The following ZNF615 variants were observed in gnomAD, a reference collection of about 807,000 sequenced individuals.
ZNF615 encodes zinc finger protein 615.
A neutral mutation model predicts 15.3 loss-of-function variants in ZNF615; 15 were observed. That is an observed-to-expected ratio of 0.98 (90% CI 0.66 to 1.51). The LOEUF (loss-of-function observed/expected upper bound fraction) is 1.51, where lower values mean the gene tolerates loss of function less well. ZNF615 is among the 40% of genes most tolerant of loss of function. ZNF615 has a pLI of 0.00. For missense variants in ZNF615, 848 were observed against 895.9 expected, an observed-to-expected ratio of 0.95 and a Z score of 0.68; for synonymous variants, 268 against 294.6, an observed-to-expected ratio of 0.91 and a Z score of 0.92.
chr19:52,006,709 A>G lies in ZNF615; in HGVS notation c.-190+584T>C, dbSNP rs552869661. Among the ~76,000 whole-genome samples, 8 of 152,354 alleles carry G rather than the reference A, an allele frequency of 5.3e-5. No homozygotes were observed. The South Asian group carries it at 1.4e-3, about 28-fold the overall frequency. On this transcript the variant is annotated intron_variant, in intron 2 of 6. Transcript: ENST00000598071. ...ATGGATGAATACTTAGAAAACCAGT[A>G]GAGCTGATCTAATACAATGTTAATG...
At position 51,993,231 on chromosome 19, in the gene ZNF615, C is replaced by T; in HGVS notation, c.1878G>A (p.Gln626=). The T allele has an allele frequency of 6.2e-7, 1 of 1,614,126 alleles. No individual in the cohort carries two copies. The highest frequency in any genetic ancestry group is 1.1e-5 in the South Asian group (1 of 91,070). Residue 626 remains glutamine, a synonymous_variant, in exon 7 of 7, where the codon CAG becomes CAA. Transcript: ENST00000598071. ...ATGGCTTCTCTCCAGTATGAGTTTG[C>T]TGATGTATACTGAGAGTACTCTTCA... ...FTMKSTLSIH[Q]QTHTGEKPYK...
intron 3 of ZNF615, 28 bp from the exon 4 acceptor site, chr19:52,002,309 A>T: frequency 6.2e-7 from 1 of 1,613,234 alleles, no homozygotes; most frequent in South Asian, 1.1e-5. Context: ...TGTTTAATGA[A>T]GTCATATTCT....
At position 52,001,885 on chromosome 19, in the gene ZNF615, C is replaced by T. The variant is rs190783186; in HGVS notation, c.166G>A (p.Ala56Thr). Residue 56 changes from alanine (A) to threonine (T), a missense_variant, in exon 5 of 7, where the codon GCA becomes ACA. By Grantham distance (58) the Ala-to-Thr change is moderately conservative. Coordinates refer to ENST00000598071, the MANE Select transcript of ZNF615 (RefSeq NM_001199324.2). Reference sequence around the variant, plus strand: ...TCTCCTCGTTCCAATTTGGAGAGTGCATCTGGTTTGCTGGCTTGATACCCT... The same window carrying T: ...TCTCCTCGTTCCAATTTGGAGAGTGTATCTGGTTTGCTGGCTTGATACCCT... ...AVGYQASKPD[A>T]LSKLERGEET... The T allele has an allele frequency of 9.3e-6, 15 of 1,614,156 alleles. No individual in the cohort carries two copies. Among genetic ancestry groups the T allele is most frequent in the African/African-American group, 1.3e-5 (1 of 75,032 alleles).
At position 52,000,353 on chromosome 19, in the gene ZNF615, T is replaced by C. The variant is rs1285204238; in HGVS notation, c.264A>G (p.Ala88=). ...TATATCCATGAGACAAACCTGCATA[T>C]GCACCTCCTGATGCACCTCCTGAAT... is the stretch of plus-strand genomic sequence containing the variant. ...CSDSGGASGG[A]YAEIRKIDDP... The change falls in exon 6 of 7, where the codon GCA becomes GCG. Residue 88 remains alanine, a synonymous_variant. Transcript: ENST00000598071. 1.6e-6 allele frequency: 1 copy of C among 631,828 alleles called. No homozygotes were observed. Among genetic ancestry groups the C allele is most frequent in the Admixed American group, 2.2e-5 (1 of 46,370 alleles). 39.1% of individuals were successfully genotyped at this position (631,828 alleles called of 1,614,324 possible). A position where few individuals can be genotyped will look rare whatever the true frequency, so the allele number is the denominator to read the frequency against.
At chr19:52,002,719 C>G (rs12459268) in intron 3 of ZNF615, among the ~76,000 whole-genome samples, 1 of 151,896 alleles carries the variant, frequency 6.6e-6, no homozygotes, top group Non-Finnish European at 1.5e-5. Context: ...CTATGGTTAA[C>G]ATAGTTAACC....
intron 2 of ZNF615, chr19:52,004,475 C>A (rs2123079639): frequency 6.6e-6 from 1 of 152,128 alleles, no homozygotes; most frequent in East Asian, 1.9e-4. Flanking sequence ...TTCACTGCAA[C>A]CTCCATCTCC....
At chr19:51,994,987 TA>T in intron 6 of ZNF615, 150 bp from the exon 7 acceptor site, 2 of 808,438 alleles carry the variant, frequency 2.5e-6, no homozygotes, top group East Asian at 6.2e-5. Context: ...TAAAGCTTTT[TA>T]ATCACCTGGG....
chr19:51,994,689 C>T lies in ZNF615; in HGVS notation c.420G>A (p.Thr140=), dbSNP rs753758638. 1.5e-5 allele frequency: 24 copies of T among 1,613,400 alleles called. No individual in the cohort carries two copies. The highest frequency in any genetic ancestry group is 8.9e-5 in the East Asian group (4 of 44,870). Residue 140 remains threonine (T), a synonymous_variant, in exon 7 of 7, where the codon ACG becomes ACA. Transcript: ENST00000598071. The part of the protein sequence containing the change: ...GHFLLKQDCD[T]FDLHEKPLKS... ...TTAAAGGTTTTTCATGTAAGTCAAA[C>T]GTATCACAATCTTGCTTCAGCAGGA...
rs759712236 is a variant in ZNF615, at chr19:51,993,040, G to A, written c.2069C>T (p.Pro690Leu). The change falls in exon 7 of 7, where the codon CCG becomes CTG. Residue 690 changes from proline to leucine, a missense_variant. Physicochemically the swap from Pro to Leu is moderately conservative, Grantham distance 98 (BLOSUM62 -3). Coordinates refer to ENST00000598071, the MANE Select transcript of ZNF615 (RefSeq NM_001199324.2). ...THQRIHTGEK[P>L]YKCSDCGKAF... ...TTTCCCGCAGTCACTGCATTTGTAC[G>A]GTTTCTCTCCTGTGTGAATTCTCTG... The A allele has an allele frequency of 8.1e-6, 13 of 1,614,152 alleles. No individual in the cohort carries two copies. The highest frequency in any genetic ancestry group is 5.5e-5 in the South Asian group (5 of 91,080).
At chr19:51,999,964 C>A (rs1405466488) in intron 6 of ZNF615, among the ~76,000 whole-genome samples, 1 of 152,132 alleles carries the variant, frequency 6.6e-6, no homozygotes, top group Non-Finnish European at 1.5e-5. Context: ...ACAGCAAAGA[C>A]ATGGAATCAA....
chr19:51,995,653 C>A (rs1457595559), intron 6 of ZNF615, among the ~76,000 whole-genome samples: 2 of 151,276 alleles, frequency 1.3e-5, no homozygotes, highest in African/African-American at 2.4e-5. Context: ...CAACTATAAC[C>A]TCTCCCTCCC....
intron 5 of ZNF615, among the ~76,000 whole-genome samples, chr19:52,001,053 G>A (rs935491773): frequency 5.9e-5 from 9 of 151,864 alleles, no homozygotes; most frequent in Admixed American, 2.6e-4. Context: ...AGAAAATGAG[G>A]GAAAATAATG....
At chr19:52,004,765 T>C (rs1457248981) in intron 2 of ZNF615, 1 of 152,056 alleles carries the variant, frequency 6.6e-6, no homozygotes, top group East Asian at 1.9e-4. Flanking sequence ...AAAATATCCT[T>C]GAGGAATTAC....
In ZNF615 at chr19:51,992,988, A is replaced by G. The variant is rs2086279090; in HGVS notation, c.2121T>C (p.Asn707=). The G allele has an allele frequency of 1.9e-6, 3 of 1,614,216 alleles. No homozygotes were observed. The highest frequency in any genetic ancestry group is 4.5e-5 in the East Asian group (2 of 44,880). ...CTCCTGTATGTTTTCTTTGATGAAC[A>G]TTGAGCCCTGATTTTGTAGTGAAGG... ...GKAFTTKSGL[N]VHQRKHTGER... The change falls in exon 7 of 7, where the codon AAT becomes AAC. Residue 707 remains asparagine, a synonymous_variant. Coordinates refer to ENST00000598071, the MANE Select transcript of ZNF615 (RefSeq NM_001199324.2).
intron 6 of ZNF615, among the ~76,000 whole-genome samples, chr19:51,999,098 C>T (rs1017485774): frequency 6.6e-6 from 1 of 152,112 alleles, no homozygotes; most frequent in African/African-American, 2.4e-5. Context: ...ATCAAGAAAA[C>T]AATTCCATTA....
intron 3 of ZNF615, among the ~76,000 whole-genome samples, chr19:52,003,358 C>G (rs16983374): frequency 0.019 from 2,934 of 152,254 alleles, 85 homozygotes; most frequent in African/African-American, 0.067. Context: ...ATTTGAGCCT[C>G]AGAATTATAA....
In ZNF615 at chr19:51,994,205, TAC is replaced by T. The variant is rs1486043740; in HGVS notation, c.902_903del (p.Cys301Ter). ...KTHMGGKPYT[C>X]SQCGKAFIKK... ...TTGATGAAGGCTTTCCCACATTGGCTACATGTGTAAGGTTTCCCTCCCATATG... is the reference window on the plus strand; with the variant it reads ...TTGATGAAGGCTTTCCCACATTGGCTATGTGTAAGGTTTCCCTCCCATATG... On this transcript the variant is annotated frameshift_variant, in exon 7 of 7. Coordinates refer to ENST00000598071, the MANE Select transcript of ZNF615 (RefSeq NM_001199324.2). LOFTEE classifies it low-confidence loss of function (END_TRUNC). 4 of 1,613,962 alleles carry T rather than the reference TAC, an allele frequency of 2.5e-6. No individual in the cohort carries two copies. The African/African-American group carries it at 5.3e-5, about 22-fold the overall frequency.
At chr19:52,001,395 A>G (rs980773062) in intron 5 of ZNF615, among the ~76,000 whole-genome samples, 10 of 152,190 alleles carry the variant, frequency 6.6e-5, no homozygotes, top group Admixed American at 2.0e-4. Flanking sequence ...CAAGGTGGGC[A>G]GATCACAAGG....
Position 52,003,817 on chromosome 19 carries a change from T to C in ZNF615, c.-106A>G, listed in dbSNP as rs2086674627. On this transcript the variant is annotated 5_prime_UTR_variant, in exon 3 of 7. Coordinates refer to ENST00000598071, the MANE Select transcript of ZNF615 (RefSeq NM_001199324.2). ...AAAAACTTCAATCTCCAATCAAGGA[T>C]GTCCCCAGAAATGATGACACCCAAG... The C allele has an allele frequency of 6.4e-7, 1 of 1,573,968 alleles. No homozygotes were observed.
Sources: gnomAD v4.1 joint callset for allele counts (sites outside exome capture counted in the v4.1 genomes callset) on GRCh38, gnomAD v4.1.1 for gene constraint, MANE v1.5 for transcripts, NCBI Gene and HGNC (gene_info 2026-07-23, HGNC 2026-07-21) for gene names.